The following SYT16 variants were observed in gnomAD, a reference collection of about 807,000 sequenced individuals.
SYT16 encodes the protein synaptotagmin-16.
In SYT16, 42 loss-of-function variants were observed where a neutral mutation model predicts 61.4. The observed-to-expected ratio is 0.68, with a 90% CI of 0.53 to 0.89. SYT16 has a LOEUF of 0.89. SYT16 is among the 40% of genes least tolerant of loss of function. SYT16 has a pLI of 0.00. For missense variants in SYT16, 804 were observed against 807.3 expected, an observed-to-expected ratio of 1.00 and a Z score of 0.05; for synonymous variants, 314 against 302.3, an observed-to-expected ratio of 1.04 and a Z score of -0.40.
At chr14:62,046,077 A>C (rs1321613085) in intron 3 of SYT16, among the ~76,000 whole-genome samples, 1 of 152,122 alleles carries the variant, frequency 6.6e-6, no homozygotes, top group Non-Finnish European at 1.5e-5. Flanking sequence ...AACAGTGTAA[A>C]AGTGTTCCTA....
chr14:61,837,707 C>G (rs1303295362), intron 1 of SYT16, among the ~76,000 whole-genome samples: 1 of 152,212 alleles, frequency 6.6e-6, no homozygotes, highest in Non-Finnish European at 1.5e-5. Flanking sequence ...TTGCCTGTCT[C>G]CTGGGTTCTC....
chr14:61,963,106 C>T (rs1048474252), intron 1 of SYT16, among the ~76,000 whole-genome samples: 3 of 152,148 alleles, frequency 2.0e-5, no homozygotes, highest in Non-Finnish European at 4.4e-5. Flanking sequence ...CTCCATCTCT[C>T]TCCCTCTCCT....
intron 3 of SYT16, among the ~76,000 whole-genome samples, chr14:62,006,988 G>A (rs991287409): frequency 2.0e-5 from 3 of 152,116 alleles, no homozygotes; most frequent in African/African-American, 7.2e-5. Context: ...AAATCATGGT[G>A]ATATTTGACT....
chr14:61,911,430 G>A lies in SYT16; in HGVS notation c.-324-58702G>A, dbSNP rs183910660. Among the ~76,000 whole-genome samples the A allele has an allele frequency of 6.5e-3, 996 of 152,334 alleles. 7 individuals carry two copies. Among genetic ancestry groups the A allele is most frequent in the Non-Finnish European group, 8.1e-3 (548 of 68,040 alleles). On this transcript the variant is annotated intron_variant, in intron 1 of 7. Transcript: ENST00000683842. ...CAGTTCTGGATTATATCACATCAGA[G>A]TTGGAAAAGCAGGTGCTGTCCCAAG...
chr14:62,004,821 G>A (rs1271566329), intron 3 of SYT16, among the ~76,000 whole-genome samples: 1 of 152,194 alleles, frequency 6.6e-6, no homozygotes, highest in Non-Finnish European at 1.5e-5. Context: ...TAAGATGGGA[G>A]TTCCATCTCC....
chr14:61,912,658 A>T (rs2048977930), intron 1 of SYT16, among the ~76,000 whole-genome samples: 1 of 152,216 alleles, frequency 6.6e-6, no homozygotes, highest in African/African-American at 2.4e-5. Flanking sequence ...ATGTATATTG[A>T]CTCAGGAAGT....
intron 2 of SYT16, among the ~76,000 whole-genome samples, chr14:61,988,814 C>T (rs1273869684): frequency 6.6e-6 from 1 of 152,184 alleles, no homozygotes; most frequent in East Asian, 1.9e-4. Flanking sequence ...TTGAACCCCA[C>T]ACTTGTCACT....
At chr14:62,088,221 G>C (rs948295502) in intron 7 of SYT16, among the ~76,000 whole-genome samples, 1 of 152,184 alleles carries the variant, frequency 6.6e-6, no homozygotes, top group African/African-American at 2.4e-5. Flanking sequence ...ATCTAGAGAA[G>C]AGTGAATAAG....
intron 1 of SYT16, among the ~76,000 whole-genome samples, chr14:61,899,285 G>C (rs1205670997): frequency 6.6e-6 from 1 of 152,124 alleles, no homozygotes; most frequent in Non-Finnish European, 1.5e-5. Flanking sequence ...CATGTACCCT[G>C]AAACTTGAGG....
At chr14:61,849,539 A>G (rs1453701260) in intron 1 of SYT16, among the ~76,000 whole-genome samples, 2 of 152,178 alleles carry the variant, frequency 1.3e-5, no homozygotes, top group Non-Finnish European at 2.9e-5. Flanking sequence ...GCTCATCTAA[A>G]TGCTCCATCC....
chr14:61,864,505 G>C (rs1321410908), intron 1 of SYT16, among the ~76,000 whole-genome samples: 1 of 152,240 alleles, frequency 6.6e-6, no homozygotes, highest in Non-Finnish European at 1.5e-5. Context: ...AGCGTGGGCC[G>C]CCTTGGCCTT....
chr14:61,829,870 G>A (rs535719979), intron 1 of SYT16, among the ~76,000 whole-genome samples: 3 of 152,086 alleles, frequency 2.0e-5, no homozygotes, highest in African/African-American at 7.2e-5. Flanking sequence ...TAGCCAGGAT[G>A]GTCTCGATCT....
chr14:61,886,079 C>T (rs1247794487), intron 1 of SYT16, among the ~76,000 whole-genome samples: 1 of 151,882 alleles, frequency 6.6e-6, no homozygotes, highest in Admixed American at 6.6e-5. Flanking sequence ...ATTCTCCTGC[C>T]TCAGCCTCCT....
intron 4 of SYT16, among the ~76,000 whole-genome samples, chr14:62,074,507 C>G (rs2056412739): frequency 6.6e-6 from 1 of 152,178 alleles, no homozygotes; most frequent in Non-Finnish European, 1.5e-5. Context: ...GAAGGCCTTG[C>G]TGGCTGCCAG....
At chr14:61,936,424 CA>C (rs774110783) in intron 1 of SYT16, among the ~76,000 whole-genome samples, 1 of 151,872 alleles carries the variant, frequency 6.6e-6, no homozygotes, top group Non-Finnish European at 1.5e-5. Flanking sequence ...GGCAGAGCAT[CA>C]TTCTATCAGC....
intron 1 of SYT16, among the ~76,000 whole-genome samples, chr14:61,943,755 G>A (rs971684449): frequency 2.0e-5 from 3 of 152,070 alleles, no homozygotes; most frequent in African/African-American, 4.8e-5. Flanking sequence ...AGCTATTTAC[G>A]ACAAGCCCAC....
chr14:61,854,299 CTT>C (rs1318245474), intron 1 of SYT16, among the ~76,000 whole-genome samples: 2 of 152,202 alleles, frequency 1.3e-5, no homozygotes, highest in Admixed American at 1.3e-4. Context: ...AATTTTGCCA[CTT>C]TTTTCAAAAG....
At position 62,081,247 on chromosome 14, in the gene SYT16, G is replaced by C; in HGVS notation, c.1407G>C (p.Leu469=). The part of the protein sequence containing the change: ...LHPEGEMKVT[L]VLEPRSNISS... ...CAGAAGGGGAAATGAAAGTGACTCT[G>C]GTTCTGGAGCCAAGAAGTAATATAA... The change falls in exon 6 of 8, where the codon CTG becomes CTC. Residue 469 remains leucine (L), a synonymous_variant. Transcript: ENST00000683842. 1 of 1,613,858 alleles carries C rather than the reference G, an allele frequency of 6.2e-7. No homozygotes were observed. The highest frequency in any genetic ancestry group is 1.1e-5 in the South Asian group (1 of 91,038).
chr14:61,909,391 C>A (rs1478352534), intron 1 of SYT16, among the ~76,000 whole-genome samples: 1 of 152,112 alleles, frequency 6.6e-6, no homozygotes, highest in Non-Finnish European at 1.5e-5. Context: ...GTTGGCAGGG[C>A]CATGCTCCCT....
Sources: gnomAD v4.1 joint callset for allele counts (sites outside exome capture counted in the v4.1 genomes callset) on GRCh38, gnomAD v4.1.1 for gene constraint, MANE v1.5 for transcripts, NCBI Gene and HGNC (gene_info 2026-07-23, HGNC 2026-07-21) for gene names.